UNC79: variants seen among roughly 807,000 people sequenced by gnomAD.
The protein encoded by UNC79 is protein unc-79 homolog.
In UNC79, 37 loss-of-function variants were observed where a neutral mutation model predicts 283.1. The ratio of observed to expected loss-of-function variants is 0.13; its 90% CI spans 0.10 to 0.17. The LOEUF is 0.17. UNC79 is among the 10% of genes least tolerant of loss of function. UNC79 has a pLI of 1.00. For synonymous variants in UNC79, 1,107 were observed against 1,200.2 expected (o/e 0.92, Z 1.61); for missense variants, 2,272 against 3,211.1 (o/e 0.71, Z 7.07).
chr14:93,521,929 C>T (rs1274512069), intron 7 of UNC79, among the ~76,000 whole-genome samples: 1 of 151,146 alleles, frequency 6.6e-6, no homozygotes, highest in Non-Finnish European at 1.5e-5. Context: ...ACATTGGTTC[C>T]AGACATCATA....
chr14:93,400,379 G>A (rs760755882), intron 1 of UNC79, among the ~76,000 whole-genome samples: 10 of 148,656 alleles, frequency 6.7e-5, no homozygotes, highest in Non-Finnish European at 1.5e-4. Flanking sequence ...TAAGGTTGAT[G>A]TGGGTTATGT....
chr14:93,695,418 A>G lies in UNC79; in HGVS notation c.7548+1006A>G, dbSNP rs1595116836. On this transcript the variant is annotated intron_variant, in intron 47 of 48. Coordinates refer to ENST00000555664, the Ensembl canonical transcript of UNC79. ...AGAACAGAACAAGATCATTGGTTCA[A>G]ATGGGTTAGATATATGATATGTAGC... Among the ~76,000 whole-genome samples the G allele has an allele frequency of 2.0e-5, 3 of 152,384 alleles. No homozygotes were observed. In the Middle Eastern group the frequency reaches 0.01, roughly 518 times the overall value.
At chr14:93,440,491 A>G (rs1248450170) in intron 1 of UNC79, among the ~76,000 whole-genome samples, 1 of 136,892 alleles carries the variant, frequency 7.3e-6, no homozygotes. Context: ...TCTTTGTTTT[A>G]TTTTGTATTC....
intron 1 of UNC79, among the ~76,000 whole-genome samples, chr14:93,384,285 A>G (rs1212287885): frequency 6.6e-6 from 1 of 152,244 alleles, no homozygotes; most frequent in Non-Finnish European, 1.5e-5. Flanking sequence ...ACTGTTCTCC[A>G]TAGTGGTTGT....
chr14:93,492,277 A>ATAAATTATT (rs1302877848), intron 5 of UNC79, among the ~76,000 whole-genome samples: 10 of 152,006 alleles, frequency 6.6e-5, no homozygotes, highest in African/African-American at 1.2e-4. Flanking sequence ...TATCAGAAGG[A>ATAAATTATT]GGGAGCTGTA....
intron 1 of UNC79, among the ~76,000 whole-genome samples, chr14:93,455,194 C>T (rs577373702): frequency 6.6e-6 from 1 of 152,164 alleles, no homozygotes; most frequent in Non-Finnish European, 1.5e-5. Context: ...TATCCTCTTC[C>T]ACAACCCTTC....
At chr14:93,648,005 C>T (rs2140281914) in intron 35 of UNC79, among the ~76,000 whole-genome samples, 1 of 152,294 alleles carries the variant, frequency 6.6e-6, no homozygotes, top group Non-Finnish European at 1.5e-5. Context: ...CCCTATGATT[C>T]AGTTATCTCC....
At chr14:93,443,048 A>G (rs1342077577) in intron 1 of UNC79, among the ~76,000 whole-genome samples, 1 of 151,978 alleles carries the variant, frequency 6.6e-6, no homozygotes, top group African/African-American at 2.4e-5. Context: ...ACATGGCAAA[A>G]CCCTATCTCT....
intron 14 of UNC79, among the ~76,000 whole-genome samples, chr14:93,544,331 G>A (rs1162418752): frequency 1.3e-5 from 2 of 152,212 alleles, no homozygotes; most frequent in African/African-American, 4.8e-5. Flanking sequence ...AAGGGCTTCA[G>A]TGAGAAGGTA....
At chr14:93,625,477 T>C (rs1710680202) in intron 30 of UNC79, among the ~76,000 whole-genome samples, 2 of 152,064 alleles carry the variant, frequency 1.3e-5, no homozygotes, top group Non-Finnish European at 2.9e-5. Flanking sequence ...CTTGGTTTCC[T>C]TGAATGCATC....
At chr14:93,352,554 A>T (rs575497793) in intron 1 of UNC79, among the ~76,000 whole-genome samples, 18 of 152,150 alleles carry the variant, frequency 1.2e-4, no homozygotes, top group African/African-American at 4.3e-4. Flanking sequence ...TTAATTTTAC[A>T]CTCATAAAGG....
chr14:93,515,755 A>T (rs902539062), intron 7 of UNC79, among the ~76,000 whole-genome samples: 1 of 152,094 alleles, frequency 6.6e-6, no homozygotes, highest in African/African-American at 2.4e-5. Context: ...TTATTATCTT[A>T]TTATATTGTA....
At chr14:93,509,824 G>A (rs1347223700) in intron 7 of UNC79, among the ~76,000 whole-genome samples, 1 of 152,146 alleles carries the variant, frequency 6.6e-6, no homozygotes, top group Non-Finnish European at 1.5e-5. Flanking sequence ...TCTGGGGTCT[G>A]GGGGACAGTG....
rs1205210121 is a variant in UNC79 at position 93,550,514 on chromosome 14, C to CAAAAAA, written c.1755+7840_1755+7845dup. On this transcript the variant is annotated intron_variant, in intron 14 of 48. Transcript: ENST00000555664. Reference sequence around the variant, plus strand: ...TGGGAGACAGAGCAAGACTCCGTATCAAAAAAAAAAAAAAAAAAAAAAAAA... The same window carrying CAAAAAA: ...TGGGAGACAGAGCAAGACTCCGTATCAAAAAAAAAAAAAAAAAAAAAAAAAAAAAAA... 1.9e-3 allele frequency among the ~76,000 whole-genome samples: 37 copies of CAAAAAA among 19,168 alleles called. 1 individual carries two copies. The highest frequency in any genetic ancestry group is 2.1e-3 in the Non-Finnish European group (18 of 8,698). 12.6% of individuals were successfully genotyped at this position (19,168 alleles called of 152,430 possible).
At position 93,659,383 on chromosome 14, in the gene UNC79, C is replaced by T; in HGVS notation, c.6525+122C>T. ...ATACTGAATGCTTCCCTTTCAGCCT[C>T]CTTCTTTTTCTTCATGCTAGGTCAG... On this transcript the variant is annotated intron_variant, in intron 39 of 48. Coordinates refer to ENST00000555664, the Ensembl canonical transcript of UNC79. The T allele has an allele frequency of 2.7e-6, 2 of 729,974 alleles. 1 individual carries two copies. The highest frequency in any genetic ancestry group is 6.4e-5 in the Admixed American group (2 of 31,276). 45.2% of individuals were successfully genotyped at this position (729,974 alleles called of 1,614,324 possible).
At chr14:93,618,222 A>C in exon 29 of UNC79, 2 of 1,613,858 alleles carry the variant, frequency 1.2e-6, no homozygotes, top group Non-Finnish European at 1.7e-6. Context: ...TATCAGCAAG[A>C]TCCTGCTGCA....
rs754184597 is a variant in UNC79, at chr14:93,474,264, C to T, written c.319C>T (p.Pro107Ser). 2 of 1,535,946 alleles carry T rather than the reference C, an allele frequency of 1.3e-6. No individual in the cohort carries two copies. The highest frequency in any genetic ancestry group is 1.4e-5 in the African/African-American group (1 of 73,028). The change falls in exon 3 of 49, where the codon CCC becomes TCC. Residue 107 changes from proline to serine, a missense_variant. By Grantham distance (74) the Pro-to-Ser change is moderately conservative. Around this residue, in one of 11 missense-constraint regions of UNC79, gnomAD observed 194 missense variants for 268.9 expected, o/e 0.72. Transcript: ENST00000555664. This position sits in a 1 kb window ranked among gnomAD's most constrained non-coding sequence, Gnocchi z 4.1. ...CCTTTACAGCGTCCTGCGAGATGCTCCCTCAGAACGCGGCCCGCAAAGTCG... is the reference window on the plus strand; with the variant it reads ...CCTTTACAGCGTCCTGCGAGATGCTTCCTCAGAACGCGGCCCGCAAAGTCG...
At chr14:93,655,644 G>GA (rs59172906) in intron 38 of UNC79, among the ~76,000 whole-genome samples, 4,526 of 81,238 alleles carry the variant, frequency 0.056, 97 homozygotes, top group African/African-American at 0.097. Flanking sequence ...CAGTTGATTT[G>GA]AAAAAAAAAA....
At chr14:93,625,734 A>T (rs1377151134) in intron 30 of UNC79, among the ~76,000 whole-genome samples, 1 of 152,070 alleles carries the variant, frequency 6.6e-6, no homozygotes, top group Non-Finnish European at 1.5e-5. Context: ...TATCAATGTA[A>T]TCCCTCCCTG....
Sources: gnomAD v4.1 joint callset for allele counts (sites outside exome capture counted in the v4.1 genomes callset) on GRCh38, gnomAD v4.1.1 for gene constraint, gnomAD v4.1.1 regional missense constraint, Gnocchi (gnomAD v3.1) non-coding constraint, MANE v1.5 for transcripts, NCBI Gene and HGNC (gene_info 2026-07-23, HGNC 2026-07-21) for gene names.